The following PTPRD variants were observed in gnomAD, a reference collection of about 807,000 sequenced individuals.
The protein encoded by PTPRD is receptor-type tyrosine-protein phosphatase delta.
In PTPRD, 34 loss-of-function variants were observed where a neutral mutation model predicts 214.5. That is an observed-to-expected ratio of 0.16 (90% confidence interval 0.12 to 0.21). PTPRD has a LOEUF of 0.21. Among genes scored for constraint, PTPRD ranks in the 10% least tolerant of loss-of-function variants. The pLI is 1.00. For missense variants in PTPRD, 2,545 were observed against 2,398.7 expected, an observed-to-expected ratio of 1.06 and a Z score of -1.27; for synonymous variants, 1,128 against 845.7, an observed-to-expected ratio of 1.33 and a Z score of -5.79.
rs79580162 is a variant in PTPRD, at chr9:9,674,450, T to C, written c.-287+60083A>G. Among the ~76,000 whole-genome samples, 11 of 151,814 alleles carry C rather than the reference T, an allele frequency of 7.2e-5. No individual in the cohort carries two copies. The East Asian group carries it at 2.1e-3, about 29-fold the overall frequency. Reference sequence around the variant, plus strand: ...TGGAAGAGAAAAAACATATAGAATATTTGAAAAATTAAAATGTAGTCATAT... The same window carrying C: ...TGGAAGAGAAAAAACATATAGAATACTTGAAAAATTAAAATGTAGTCATAT... On this transcript the variant is annotated intron_variant, in intron 7 of 45. Transcript: ENST00000381196.
chr9:9,265,963 C>T (rs1009373583), intron 9 of PTPRD, among the ~76,000 whole-genome samples: 1 of 151,356 alleles, frequency 6.6e-6, no homozygotes, highest in African/African-American at 2.4e-5. Context: ...TAAACAAGAT[C>T]AAATTATATG....
chr9:9,831,792 C>G (rs921699958), intron 5 of PTPRD, among the ~76,000 whole-genome samples: 1 of 151,826 alleles, frequency 6.6e-6, no homozygotes, highest in African/African-American at 2.4e-5. Flanking sequence ...GTTATTTCAC[C>G]AAGGTGGAGG....
intron 8 of PTPRD, among the ~76,000 whole-genome samples, chr9:9,408,451 A>C (rs765593013): frequency 6.6e-5 from 10 of 151,854 alleles, no homozygotes; most frequent in Non-Finnish European, 1.3e-4. Flanking sequence ...ATTGAGATTC[A>C]TACCTGCATT....
chr9:9,273,925 G>C (rs1165572282), intron 9 of PTPRD, among the ~76,000 whole-genome samples: 6 of 151,240 alleles, frequency 4.0e-5, no homozygotes, highest in Admixed American at 1.3e-4. Flanking sequence ...AAATTTCATA[G>C]ACTTCAATAT....
intron 12 of PTPRD, among the ~76,000 whole-genome samples, chr9:8,722,368 T>C (rs898244257): frequency 6.6e-6 from 1 of 152,162 alleles, no homozygotes. Context: ...GCAAATCTGG[T>C]TACTAACACC....
At chr9:9,181,146 A>G (rs1377573121) in intron 10 of PTPRD, among the ~76,000 whole-genome samples, 1 of 151,984 alleles carries the variant, frequency 6.6e-6, no homozygotes, top group Non-Finnish European at 1.5e-5. Flanking sequence ...TCATATGAAG[A>G]TAACATAGAA....
At chr9:9,627,671 A>T (rs1219215030) in intron 7 of PTPRD, among the ~76,000 whole-genome samples, 1 of 152,108 alleles carries the variant, frequency 6.6e-6, no homozygotes, top group Admixed American at 6.5e-5. Flanking sequence ...AAAGACTAAT[A>T]GGAGACAGTG....
intron 2 of PTPRD, among the ~76,000 whole-genome samples, chr9:10,392,280 C>A (rs1376815422): frequency 1.3e-5 from 2 of 151,864 alleles, no homozygotes; most frequent in Non-Finnish European, 2.9e-5. Flanking sequence ...CAGGTTGATT[C>A]TATGGTTAGG....
chr9:9,436,744 AGTG>A (rs1181806794), intron 8 of PTPRD, among the ~76,000 whole-genome samples: 1 of 152,138 alleles, frequency 6.6e-6, no homozygotes, highest in Admixed American at 6.5e-5. Flanking sequence ...AATAATTAGC[AGTG>A]TCATTAATTT....
chr9:8,904,181 C>T (rs557110170), intron 11 of PTPRD, among the ~76,000 whole-genome samples: 2 of 152,232 alleles, frequency 1.3e-5, no homozygotes, highest in African/African-American at 2.4e-5. Context: ...TTTTAGTCAT[C>T]GTGGCACTTT....
intron 3 of PTPRD, among the ~76,000 whole-genome samples, chr9:10,108,722 A>T (rs1461006546): frequency 6.6e-6 from 1 of 152,242 alleles, no homozygotes; most frequent in African/African-American, 2.4e-5. Context: ...ACTTAAGTGT[A>T]TATCAGTGAA....
intron 4 of PTPRD, among the ~76,000 whole-genome samples, chr9:10,014,753 T>A (rs2096667463): frequency 6.6e-6 from 1 of 152,032 alleles, no homozygotes; most frequent in African/African-American, 2.4e-5. Flanking sequence ...ATTAAAATTA[T>A]ATGATATAGA....
chr9:10,317,472 T>C (rs1171700745), intron 3 of PTPRD, among the ~76,000 whole-genome samples: 3 of 151,910 alleles, frequency 2.0e-5, no homozygotes, highest in African/African-American at 7.2e-5. Flanking sequence ...AAAAGGAAAG[T>C]ATAATGCCTG....
chr9:10,183,867 C>T (rs958207319), intron 3 of PTPRD, among the ~76,000 whole-genome samples: 2 of 152,136 alleles, frequency 1.3e-5, no homozygotes, highest in African/African-American at 2.4e-5. Context: ...GACAGAACCA[C>T]AAAGGAGAGA....
intron 9 of PTPRD, among the ~76,000 whole-genome samples, chr9:9,387,470 T>C (rs1364157940): frequency 2.0e-5 from 3 of 152,186 alleles, no homozygotes; most frequent in Admixed American, 6.5e-5. Flanking sequence ...TTTTTCTTTT[T>C]AAAGAGAAAA....
intron 11 of PTPRD, among the ~76,000 whole-genome samples, chr9:8,987,795 A>C (rs2099351536): frequency 6.6e-6 from 1 of 152,174 alleles, no homozygotes; most frequent in South Asian, 2.1e-4. Context: ...AACAAAATTT[A>C]AATGGCTGTG....
intron 12 of PTPRD, among the ~76,000 whole-genome samples, chr9:8,653,692 C>G (rs573898306): frequency 6.6e-6 from 1 of 152,196 alleles, no homozygotes; most frequent in African/African-American, 2.4e-5. Context: ...GCAATCAGCA[C>G]TGCACTGACC....
At chr9:8,837,155 A>G (rs1427030405) in intron 11 of PTPRD, among the ~76,000 whole-genome samples, 3 of 151,124 alleles carry the variant, frequency 2.0e-5, no homozygotes, top group Non-Finnish European at 4.4e-5. Context: ...CCTCCCTAGT[A>G]GCTGGGATTA....
intron 3 of PTPRD, among the ~76,000 whole-genome samples, chr9:10,182,285 G>C (rs796415920): frequency 7.9e-6 from 1 of 126,998 alleles, no homozygotes; most frequent in African/African-American, 3.2e-5. Context: ...AAAAAGAAAA[G>C]AAAAAAGAAA....
Sources: allele counts gnomAD v4.1 joint callset (sites outside exome capture counted in the v4.1 genomes callset), GRCh38; gene constraint gnomAD v4.1.1; transcripts MANE v1.5; gene names NCBI Gene and HGNC (gene_info 2026-07-23, HGNC 2026-07-21).